DACH1: variants seen among roughly 807,000 people sequenced by gnomAD.
DACH1 encodes dachshund homolog 1.
Under a neutral mutation model 54.2 loss-of-function variants are expected in DACH1, and 12 were observed. The observed-to-expected ratio is 0.22, with a 90% CI of 0.14 to 0.36. The LOEUF is 0.36. DACH1 is among the 10% of genes least tolerant of loss of function. DACH1 has a pLI of 1.00. For missense variants in DACH1, 805 were observed against 929.8 expected (o/e 0.87, Z 1.75); for synonymous variants, 386 against 366.2 (o/e 1.05, Z -0.62).
intron 1 of DACH1, among the ~76,000 whole-genome samples, chr13:71,864,718 A>T (rs1194142260): frequency 6.6e-6 from 1 of 151,400 alleles, no homozygotes; most frequent in Non-Finnish European, 1.5e-5. Context: ...GATCATCTCT[A>T]CCCCGAAACT....
chr13:71,485,142 A>T (rs1325294826), intron 7 of DACH1, among the ~76,000 whole-genome samples: 1 of 151,916 alleles, frequency 6.6e-6, no homozygotes, highest in Non-Finnish European at 1.5e-5. Flanking sequence ...ACGGTGTCAT[A>T]TCCAGTTAAC....
chr13:71,620,804 G>C (rs1356248943), intron 3 of DACH1, among the ~76,000 whole-genome samples: 1 of 151,966 alleles, frequency 6.6e-6, no homozygotes, highest in South Asian at 2.1e-4. Flanking sequence ...GTATCTTCCA[G>C]TATGAAACAT....
At chr13:71,655,028 A>G in intron 2 of DACH1, among the ~76,000 whole-genome samples, 1 of 152,212 alleles carries the variant, frequency 6.6e-6, no homozygotes, top group East Asian at 1.9e-4. Flanking sequence ...TAGTTTAGTC[A>G]ACTTCAGAGA....
chr13:71,823,093 T>G (rs1888253366), intron 1 of DACH1, among the ~76,000 whole-genome samples: 1 of 152,108 alleles, frequency 6.6e-6, no homozygotes, highest in African/African-American at 2.4e-5. Flanking sequence ...TGATTAACTG[T>G]GTTCATAAAT....
intron 4 of DACH1, among the ~76,000 whole-genome samples, chr13:71,564,247 C>T (rs1211267160): frequency 1.3e-5 from 2 of 151,856 alleles, no homozygotes; most frequent in African/African-American, 2.4e-5. Flanking sequence ...TATAAGAAAA[C>T]TATGTAAACT....
chr13:71,602,557 C>A (rs1444290260), intron 3 of DACH1, among the ~76,000 whole-genome samples: 1 of 151,912 alleles, frequency 6.6e-6, no homozygotes, highest in Non-Finnish European at 1.5e-5. Flanking sequence ...AAATATAGAG[C>A]TAATTATACC....
intron 6 of DACH1, among the ~76,000 whole-genome samples, chr13:71,547,733 A>G (rs114746713): frequency 6.6e-6 from 1 of 152,292 alleles, no homozygotes; most frequent in African/African-American, 2.4e-5. Flanking sequence ...GCATTTAAAC[A>G]TAATAACCAC....
At chr13:71,751,217 G>A (rs991241260) in intron 1 of DACH1, among the ~76,000 whole-genome samples, 3 of 152,164 alleles carry the variant, frequency 2.0e-5, no homozygotes, top group Admixed American at 6.5e-5. Context: ...TTTCTGCTGC[G>A]TCAGTCATCT....
chr13:71,701,703 T>C (rs1029717922), intron 1 of DACH1, among the ~76,000 whole-genome samples: 2 of 151,910 alleles, frequency 1.3e-5, no homozygotes, highest in Non-Finnish European at 2.9e-5. Context: ...AAGATGAAAA[T>C]AAAAATCAGA....
intron 1 of DACH1, among the ~76,000 whole-genome samples, chr13:71,837,001 T>TAC (rs563187803): frequency 0.029 from 4,402 of 151,244 alleles, 101 homozygotes; most frequent in South Asian, 0.072. Context: ...CATCACTTTA[T>TAC]ACACACACAC....
chr13:71,598,984 G>T (rs1874305516), intron 3 of DACH1, among the ~76,000 whole-genome samples: 4 of 152,064 alleles, frequency 2.6e-5, no homozygotes. Flanking sequence ...AAGTGTCTAG[G>T]TCTTAGAGTT....
At chr13:71,591,441 A>C (rs1873704037) in intron 3 of DACH1, among the ~76,000 whole-genome samples, 1 of 152,204 alleles carries the variant, frequency 6.6e-6, no homozygotes, top group South Asian at 2.1e-4. Flanking sequence ...AACTGTTAAA[A>C]AATCTTAAAT....
At chr13:71,642,565 T>A (rs1877986780) in intron 2 of DACH1, among the ~76,000 whole-genome samples, 1 of 152,208 alleles carries the variant, frequency 6.6e-6, no homozygotes, top group Non-Finnish European at 1.5e-5. Flanking sequence ...AATAGAAATA[T>A]CTGAACATTT....
intron 4 of DACH1, among the ~76,000 whole-genome samples, chr13:71,564,457 G>A: frequency 6.7e-6 from 1 of 149,190 alleles, no homozygotes. Context: ...AAATTTAAGA[G>A]GAGCACTCTT....
At chr13:71,713,726 G>A (rs1882837581) in intron 1 of DACH1, among the ~76,000 whole-genome samples, 1 of 152,104 alleles carries the variant, frequency 6.6e-6, no homozygotes, top group Admixed American at 6.6e-5. Flanking sequence ...TAGATAAATT[G>A]TAGTAGCATC....
At chr13:71,533,786 ACAC>A (rs1882577619) in intron 6 of DACH1, among the ~76,000 whole-genome samples, 2 of 151,890 alleles carry the variant, frequency 1.3e-5, no homozygotes, top group Admixed American at 1.3e-4. Flanking sequence ...ACACACACAC[ACAC>A]ACTTTACTGT....
At chr13:71,481,119 T>C (rs927908835) in intron 7 of DACH1, among the ~76,000 whole-genome samples, 1 of 152,232 alleles carries the variant, frequency 6.6e-6, no homozygotes, top group African/African-American at 2.4e-5. Context: ...ATTAAAACTT[T>C]AGCTGTATTT....
intron 1 of DACH1, among the ~76,000 whole-genome samples, chr13:71,752,535 A>ATTATTACTT (rs1884974745): frequency 2.0e-5 from 3 of 151,608 alleles, no homozygotes; most frequent in Non-Finnish European, 2.9e-5. Context: ...ACTTAGCTAT[A>ATTATTACTT]GCTGAAATTA....
At chr13:71,821,149 C>T (rs893011809) in intron 1 of DACH1, among the ~76,000 whole-genome samples, 24 of 152,210 alleles carry the variant, frequency 1.6e-4, no homozygotes, top group African/African-American at 5.3e-4. Context: ...CAGGGCTTGC[C>T]TACTTCTCCC....
Sources: gnomAD v4.1 joint callset for allele counts (sites outside exome capture counted in the v4.1 genomes callset) on GRCh38, gnomAD v4.1.1 for gene constraint, MANE v1.5 for transcripts, NCBI Gene and HGNC (gene_info 2026-07-23, HGNC 2026-07-21) for gene names.